NRP2: variants seen among roughly 807,000 people sequenced by gnomAD.
NRP2 encodes neuropilin-2.
Under a neutral mutation model 110.4 loss-of-function variants are expected in NRP2, and 52 were observed. The observed-to-expected ratio is 0.47, with a 90% CI of 0.38 to 0.59. The LOEUF (loss-of-function observed/expected upper bound fraction) is 0.59, where lower values mean the gene tolerates loss of function less well. Ranked by LOEUF, NRP2 falls within the 20% of genes least tolerant of loss-of-function variation. The pLI is 0.00. For missense variants in NRP2, 1,049 were observed against 1,203.0 expected, an observed-to-expected ratio of 0.87 and a Z score of 1.89; for synonymous variants, 508 against 468.9, an observed-to-expected ratio of 1.08 and a Z score of -1.08.
intron 12 of NRP2, among the ~76,000 whole-genome samples, chr2:205,755,866 G>A (rs1379890092): frequency 6.6e-6 from 1 of 152,196 alleles, no homozygotes; most frequent in Non-Finnish European, 1.5e-5. Flanking sequence ...AGGTGTCTCT[G>A]TCAAGTGTGA....
intron 9 of NRP2, among the ~76,000 whole-genome samples, chr2:205,743,975 C>T (rs138846704): frequency 0.023 from 3,574 of 152,272 alleles, 107 homozygotes; most frequent in African/African-American, 0.072. Context: ...AACTCCTGAC[C>T]TCAAGTGATC....
At chr2:205,717,088 T>A (rs1367545535) in intron 3 of NRP2, among the ~76,000 whole-genome samples, 2 of 152,164 alleles carry the variant, frequency 1.3e-5, no homozygotes, top group East Asian at 3.8e-4. Flanking sequence ...TTTCCAAAAC[T>A]AAATACAGCA....
intron 7 of NRP2, among the ~76,000 whole-genome samples, chr2:205,729,333 G>A (rs1175372793): frequency 1.3e-5 from 2 of 152,246 alleles, no homozygotes; most frequent in Non-Finnish European, 2.9e-5. Flanking sequence ...AGGAAAGTGA[G>A]GTACTTAGCA....
intron 9 of NRP2, among the ~76,000 whole-genome samples, chr2:205,745,121 G>A (rs1367240240): frequency 1.3e-5 from 2 of 152,124 alleles, no homozygotes; most frequent in South Asian, 2.1e-4. Context: ...CCTGCTCCCC[G>A]CATCATCAGT....
chr2:205,700,728 T>A, intron 2 of NRP2: 1 of 518,976 alleles, frequency 1.9e-6, no homozygotes, highest in Non-Finnish European at 3.8e-6. Flanking sequence ...CTTGGAAAAT[T>A]TCACTCACAA....
At chr2:205,756,085 T>C (rs2057730633) in intron 12 of NRP2, among the ~76,000 whole-genome samples, 2 of 152,232 alleles carry the variant, frequency 1.3e-5, no homozygotes, top group South Asian at 2.1e-4. Flanking sequence ...TGCCTAAGGC[T>C]GAAAAGCACC....
intron 8 of NRP2, among the ~76,000 whole-genome samples, chr2:205,741,501 G>A (rs1329951358): frequency 1.3e-5 from 2 of 152,240 alleles, no homozygotes; most frequent in Non-Finnish European, 2.9e-5. Context: ...ATGTAGATTG[G>A]AGAAGACCAG....
chr2:205,687,550 G>GC (rs1283483938), intron 1 of NRP2, among the ~76,000 whole-genome samples: 4 of 152,212 alleles, frequency 2.6e-5, no homozygotes, highest in Non-Finnish European at 5.9e-5. Context: ...CCCCGGGCAG[G>GC]CCCCTACTCG....
intron 14 of NRP2, among the ~76,000 whole-genome samples, chr2:205,766,507 T>C (rs2057920568): frequency 6.6e-6 from 1 of 152,196 alleles, no homozygotes; most frequent in South Asian, 2.1e-4. Flanking sequence ...AGTAAGTAAC[T>C]GATTACAATA....
intron 1 of NRP2, among the ~76,000 whole-genome samples, chr2:205,696,134 T>C (rs1299485007): frequency 6.6e-6 from 1 of 152,182 alleles, no homozygotes; most frequent in Non-Finnish European, 1.5e-5. Flanking sequence ...CTTGTGTGGA[T>C]TTGTGTCCCA....
In NRP2 at chr2:205,792,482, T is replaced by C. The variant is rs118188521; in HGVS notation, c.2476+197T>C. 1.8e-4 allele frequency among the ~76,000 whole-genome samples: 27 copies of C among 152,372 alleles called. No homozygotes were observed. The East Asian group carries it at 4.0e-3, about 23-fold the overall frequency. ...CAACTTTAGAGGTTTAGAAAGTTTA[T>C]TGAGTTCCTCTGCCTAATCTGAAAC... On this transcript the variant is annotated intron_variant, in intron 16 of 16. Transcript: ENST00000357785.
intron 1 of NRP2, among the ~76,000 whole-genome samples, chr2:205,688,861 C>A (rs1054083687): frequency 2.6e-4 from 40 of 151,624 alleles, no homozygotes; most frequent in Admixed American, 7.2e-4. Flanking sequence ...CAAAACAAAA[C>A]AAAAAAAACA....
At position 205,697,544 on chromosome 2, in the gene NRP2, A is replaced by G. The variant is rs2056459317; in HGVS notation, c.74A>G (p.Asp25Gly). The part of the protein sequence containing the change: ...FSRHQVRGQP[D>G]PPCGGRLNSK... ...TTTGGGTCGTTGATTTCTCTTTCAG[A>G]CCCACCGTGCGGAGGTCGTTTGAAT... Residue 25 changes from aspartate to glycine, a missense_variant and splice_region_variant, in exon 2 of 17, where the codon GAC becomes GGC. Physicochemically the swap from Asp to Gly is moderately conservative, Grantham distance 94. Coordinates refer to ENST00000357785, the MANE Select transcript of NRP2 (RefSeq NM_003872.3). 4 of 1,613,732 alleles carry G rather than the reference A, an allele frequency of 2.5e-6. No homozygotes were observed. The highest frequency in any genetic ancestry group is 2.5e-6 in the Non-Finnish European group (3 of 1,179,788).
chr2:205,776,845 C>T lies in NRP2; in HGVS notation c.2425+10042C>T, dbSNP rs532726243. 7.9e-6 allele frequency: 10 copies of T among 1,273,224 alleles called. No homozygotes were observed. In the East Asian group the frequency reaches 1.6e-4, roughly 21 times the overall value. 78.9% of individuals were successfully genotyped at this position (1,273,224 alleles called of 1,614,324 possible). On this transcript the variant is annotated intron_variant, in intron 15 of 16. Transcript: ENST00000357785. ...GCTGGTTTTGTTCCAGAGACTGGTT[C>T]GCTTGTTTTTTCCCCTTGCCTTATC... is the stretch of plus-strand genomic sequence containing the variant.
In NRP2 at chr2:205,765,759, G is replaced by A. The variant is rs73066127; in HGVS notation, c.2404+189G>A. The A allele has an allele frequency of 2.2e-3, 1,597 of 733,090 alleles. 22 individuals carry two copies. The African/African-American group carries it at 0.025, about 12-fold the overall frequency. 45.4% of individuals were successfully genotyped at this position (733,090 alleles called of 1,614,324 possible). A position where few individuals can be genotyped will look rare whatever the true frequency, so the allele number is the denominator to read the frequency against. Reference sequence around the variant, plus strand: ...GGGTTCAGGGTGGGAAGGGGTGTGAGGTAAGGGGACGGCTTATATCCCTGT... The same window carrying A: ...GGGTTCAGGGTGGGAAGGGGTGTGAAGTAAGGGGACGGCTTATATCCCTGT... On this transcript the variant is annotated intron_variant, in intron 14 of 16. Coordinates refer to ENST00000357785, the MANE Select transcript of NRP2 (RefSeq NM_003872.3).
In NRP2 at chr2:205,766,825, A is replaced by G. The variant is rs201894040; in HGVS notation, c.2425+22A>G. The G allele has an allele frequency of 6.5e-5, 104 of 1,610,314 alleles. 1 individual carries two copies. The African/African-American group carries it at 1.2e-3, about 18-fold the overall frequency. On this transcript the variant is annotated intron_variant, in intron 15 of 16. Coordinates refer to ENST00000357785, the MANE Select transcript of NRP2 (RefSeq NM_003872.3). ...GCAGGTGAGAATTTTAAAGGTAAAA[A>G]AAAATTTTTTTTTTGCATGCTTTTT...
rs557033290 is a variant in NRP2 at position 205,694,987 on chromosome 2, G to T, written c.74-2557G>T. ...TGAGAAGGTGTGAACGTATGTATAG[G>T]ACTAAAGTGTGAATTACTGATATGT... On this transcript the variant is annotated intron_variant, in intron 1 of 16. Coordinates refer to ENST00000357785, the MANE Select transcript of NRP2 (RefSeq NM_003872.3). 1.2e-4 allele frequency among the ~76,000 whole-genome samples: 19 copies of T among 152,312 alleles called. 1 individual carries two copies. The highest frequency in any genetic ancestry group is 4.6e-4 in the African/African-American group (19 of 41,566).
intron 2 of NRP2, among the ~76,000 whole-genome samples, chr2:205,702,450 C>T (rs2056580597): frequency 6.6e-6 from 1 of 152,218 alleles, no homozygotes; most frequent in Admixed American, 6.5e-5. Context: ...ATGGAGTTCT[C>T]AACATCAGTG....
chr2:205,754,609 A>T (rs139174865), intron 12 of NRP2, among the ~76,000 whole-genome samples: 4 of 152,294 alleles, frequency 2.6e-5, no homozygotes, highest in Admixed American at 2.6e-4. Flanking sequence ...GTTGGGAAAA[A>T]ATACTTATTT....
Sources: allele counts gnomAD v4.1 joint callset (sites outside exome capture counted in the v4.1 genomes callset), GRCh38; gene constraint gnomAD v4.1.1; transcripts MANE v1.5; gene names NCBI Gene and HGNC (gene_info 2026-07-23, HGNC 2026-07-21).